MTUS2: variants seen among roughly 807,000 people sequenced by gnomAD.
The protein encoded by MTUS2 is microtubule-associated tumor suppressor candidate 2.
Under a neutral mutation model 114.1 loss-of-function variants are expected in MTUS2, and 40 were observed. The ratio of observed to expected loss-of-function variants is 0.35; its 90% CI spans 0.27 to 0.46. The LOEUF is 0.46. MTUS2 is among the 20% of genes least tolerant of loss of function. The pLI is 1.00. For synonymous variants in MTUS2, 688 were observed against 672.0 expected (o/e 1.02, Z -0.37); for missense variants, 1,679 against 1,705.4 (o/e 0.98, Z 0.27).
At chr13:28,864,131 C>T (rs1877154865) in intron 2 of MTUS2, among the ~76,000 whole-genome samples, 1 of 152,126 alleles carries the variant, frequency 6.6e-6, no homozygotes, top group African/African-American at 2.4e-5. Context: ...ACCCCTTTGC[C>T]TACTTGAAAA....
At chr13:29,463,776 A>G (rs1464138052) in intron 9 of MTUS2, among the ~76,000 whole-genome samples, 1 of 152,200 alleles carries the variant, frequency 6.6e-6, no homozygotes. Context: ...AGGCGGGCAT[A>G]TCACTTGAGG....
Position 29,017,906 on chromosome 13 carries a change from A to C in MTUS2, c.-242-6551A>C, listed in dbSNP as rs576843172. ...GAATAAGACACATGTAACGATAATA[A>C]TGAGTCACATATAACTGTAATAAAA... On this transcript the variant is annotated intron_variant, in intron 2 of 15. Coordinates refer to ENST00000612955, the MANE Select transcript of MTUS2 (RefSeq NM_001033602.4). Among the ~76,000 whole-genome samples the C allele has an allele frequency of 3.5e-4, 53 of 152,342 alleles. No homozygotes were observed. In the South Asian group the frequency reaches 0.011, roughly 30 times the overall value.
intron 4 of MTUS2, among the ~76,000 whole-genome samples, chr13:29,058,233 A>G (rs1338425977): frequency 7.3e-6 from 1 of 137,140 alleles, no homozygotes; most frequent in African/African-American, 2.7e-5. Flanking sequence ...TTGACTTTGG[A>G]GAATTTGATG....
chr13:29,103,321 C>T (rs1267035499), intron 5 of MTUS2, among the ~76,000 whole-genome samples: 1 of 152,184 alleles, frequency 6.6e-6, no homozygotes, highest in Middle Eastern at 3.2e-3. Flanking sequence ...CTACTACACA[C>T]CTAGGCAATA....
chr13:29,182,708 T>C (rs539595017), intron 5 of MTUS2, among the ~76,000 whole-genome samples: 7 of 152,280 alleles, frequency 4.6e-5, no homozygotes, highest in Admixed American at 1.3e-4. Flanking sequence ...GTGTGTGATA[T>C]GTATGAAGGG....
intron 1 of MTUS2, among the ~76,000 whole-genome samples, chr13:28,831,842 C>A (rs576897244): frequency 9.9e-5 from 15 of 152,124 alleles, no homozygotes; most frequent in Admixed American, 2.0e-4. Flanking sequence ...CTGCAACCTC[C>A]GCCTCCTGAG....
chr13:29,332,986 C>G (rs1048265373), intron 7 of MTUS2, among the ~76,000 whole-genome samples: 4 of 152,108 alleles, frequency 2.6e-5, no homozygotes, highest in South Asian at 4.2e-4. Context: ...AGATCTTTCC[C>G]GCTTTCTCCT....
At chr13:29,458,477 C>T (rs1317672420) in intron 9 of MTUS2, among the ~76,000 whole-genome samples, 3 of 152,224 alleles carry the variant, frequency 2.0e-5, no homozygotes, top group East Asian at 3.9e-4. Context: ...ACATGCATGC[C>T]AGCAAAAGAT....
intron 6 of MTUS2, among the ~76,000 whole-genome samples, chr13:29,297,376 A>G (rs1018212282): frequency 7.9e-5 from 12 of 152,218 alleles, no homozygotes; most frequent in African/African-American, 2.9e-4. Flanking sequence ...TGTATGCATC[A>G]TGCAGTATTC....
rs1372597444 is a variant in MTUS2, at chr13:29,504,884, C to T, written c.*1678C>T. On this transcript the variant is annotated 3_prime_UTR_variant, in exon 16 of 16. Transcript: ENST00000612955. The stretch of plus-strand genomic sequence containing the variant: ...ATGGAACGGGGAAGAAAACAGCCCG[C>T]GGACGGGGTCGGCTTGTCCAGGGCA... 2.6e-5 allele frequency: 6 copies of T among 232,274 alleles called. No homozygotes were observed. The highest frequency in any genetic ancestry group is 6.6e-5 in the African/African-American group (3 of 45,262). The allele number at this position is 232,274 out of a possible 1,614,324, so 14.4% of individuals were successfully genotyped here.
At chr13:29,226,338 A>G (rs1896107814) in intron 5 of MTUS2, among the ~76,000 whole-genome samples, 2 of 152,210 alleles carry the variant, frequency 1.3e-5, no homozygotes, top group Non-Finnish European at 2.9e-5. Context: ...GGCTTTTCAT[A>G]TTCTCATTTA....
At chr13:29,391,457 C>T (rs1229962355) in intron 8 of MTUS2, among the ~76,000 whole-genome samples, 2 of 152,104 alleles carry the variant, frequency 1.3e-5, no homozygotes, top group Admixed American at 6.5e-5. Context: ...CAGTGCCTGA[C>T]GGGAATTCCA....
chr13:29,006,419 C>G (rs1391252591), intron 2 of MTUS2, among the ~76,000 whole-genome samples: 1 of 152,132 alleles, frequency 6.6e-6, no homozygotes, highest in Non-Finnish European at 1.5e-5. Context: ...TAGTAACCCC[C>G]CTATGGAATA....
At chr13:29,449,732 C>T (rs1339050524) in intron 9 of MTUS2, among the ~76,000 whole-genome samples, 1 of 150,292 alleles carries the variant, frequency 6.7e-6, no homozygotes, top group Non-Finnish European at 1.5e-5. Flanking sequence ...ATAGTTGTTA[C>T]TCCTAACTCC....
Position 28,905,728 on chromosome 13 carries a change from GTC to G in MTUS2, c.-243+65882_-243+65883del, listed in dbSNP as rs1303411623. On this transcript the variant is annotated intron_variant, in intron 2 of 15. Transcript: ENST00000612955. ...GTCTAAAATTCTCTTTTTTTGTTGT[GTC>G]TCTGCCAGGCTTTGGTATCAGGATG... 2.7e-5 allele frequency among the ~76,000 whole-genome samples: 4 copies of G among 148,164 alleles called. No individual in the cohort carries two copies. The Admixed American group carries it at 2.7e-4, about 10-fold the overall frequency.
chr13:28,925,469 A>G (rs1881274188), intron 2 of MTUS2, among the ~76,000 whole-genome samples: 1 of 152,252 alleles, frequency 6.6e-6, no homozygotes, highest in African/African-American at 2.4e-5. Flanking sequence ...ACTAATCATT[A>G]GCTACTTTTA....
At chr13:28,860,691 G>C (rs769206527) in intron 2 of MTUS2, among the ~76,000 whole-genome samples, 1 of 152,190 alleles carries the variant, frequency 6.6e-6, no homozygotes. Context: ...GTTTCCCTGT[G>C]TGTGCTGGAT....
intron 2 of MTUS2, among the ~76,000 whole-genome samples, chr13:28,997,149 T>C (rs992479275): frequency 2.0e-5 from 3 of 152,342 alleles, no homozygotes; most frequent in South Asian, 4.1e-4. Context: ...CATTTCGTTA[T>C]GTACCCAGTA....
At chr13:29,418,120 TG>T (rs1875808216) in intron 8 of MTUS2, among the ~76,000 whole-genome samples, 2 of 152,218 alleles carry the variant, frequency 1.3e-5, no homozygotes, top group Non-Finnish European at 2.9e-5. Flanking sequence ...CAGCAATGTT[TG>T]GGGTCTCGGG....
Sources: allele counts gnomAD v4.1 joint callset (sites outside exome capture counted in the v4.1 genomes callset), GRCh38; gene constraint gnomAD v4.1.1; transcripts MANE v1.5; gene names NCBI Gene and HGNC (gene_info 2026-07-23, HGNC 2026-07-21).